The following SLIT2 variants were observed in gnomAD, a reference collection of about 807,000 sequenced individuals.
SLIT2 encodes the protein slit guidance ligand 2, also known as slit homolog 2 protein.
SLIT2 carries 41 observed loss-of-function variants against 185.7 expected under a neutral mutation model. The observed-to-expected ratio is 0.22, with a 90% confidence interval of 0.17 to 0.29. The LOEUF (loss-of-function observed/expected upper bound fraction) is 0.29. Among genes scored for constraint, SLIT2 ranks in the 10% least tolerant of loss-of-function variants. The probability of loss-of-function intolerance (pLI) is 1.00; values close to 1 mark genes in which losing one functional copy is unlikely to be tolerated. For synonymous variants in SLIT2, 693 were observed against 680.2 expected, an observed-to-expected ratio of 1.02 and a Z score of -0.29; for missense variants, 1,571 against 1,909.0, an observed-to-expected ratio of 0.82 and a Z score of 3.30.
At chr4:20,388,052 C>A (rs1725072299) in intron 4 of SLIT2, among the ~76,000 whole-genome samples, 4 of 152,124 alleles carry the variant, frequency 2.6e-5, no homozygotes, top group Admixed American at 2.6e-4. Context: ...TCATAAAAAT[C>A]TTCATGAAAC....
intron 4 of SLIT2, among the ~76,000 whole-genome samples, chr4:20,343,125 C>G (rs1345095778): frequency 1.3e-5 from 2 of 152,034 alleles, no homozygotes; most frequent in Admixed American, 1.3e-4. Context: ...TAGCTACTAA[C>G]ACTTATACTC....
At chr4:20,527,292 T>A (rs1285136446) in intron 15 of SLIT2, among the ~76,000 whole-genome samples, 1 of 152,050 alleles carries the variant, frequency 6.6e-6, no homozygotes, top group Non-Finnish European at 1.5e-5. Flanking sequence ...AGAGAGTTCA[T>A]CTTTTTTTTT....
intron 4 of SLIT2, among the ~76,000 whole-genome samples, chr4:20,324,144 G>C (rs531706635): frequency 3.2e-4 from 48 of 152,244 alleles, no homozygotes; most frequent in Middle Eastern, 6.8e-3. Context: ...ATCACAGCAC[G>C]AGCAAACCAG....
chr4:20,562,790 A>C (rs1724802093), intron 26 of SLIT2, among the ~76,000 whole-genome samples: 1 of 151,798 alleles, frequency 6.6e-6, no homozygotes, highest in Non-Finnish European at 1.5e-5. Context: ...AGTTAATTAT[A>C]CCCAACATCA....
chr4:20,512,159 G>C (rs1421472960), intron 11 of SLIT2, among the ~76,000 whole-genome samples: 1 of 152,068 alleles, frequency 6.6e-6, no homozygotes, highest in Non-Finnish European at 1.5e-5. Context: ...TCAGAGAAGG[G>C]TTCTTATTGA....
At chr4:20,304,544 A>G (rs1717356530) in intron 4 of SLIT2, among the ~76,000 whole-genome samples, 1 of 152,118 alleles carries the variant, frequency 6.6e-6, no homozygotes, top group South Asian at 2.1e-4. Flanking sequence ...GTGAGATGCA[A>G]GCAGAGGCTT....
At chr4:20,264,192 C>T (rs1457482380) in intron 3 of SLIT2, among the ~76,000 whole-genome samples, 1 of 151,636 alleles carries the variant, frequency 6.6e-6, no homozygotes, top group Non-Finnish European at 1.5e-5. Flanking sequence ...TTACATAATA[C>T]AAAATAAATT....
chr4:20,335,452 A>G (rs1461462383), intron 4 of SLIT2, among the ~76,000 whole-genome samples: 1 of 152,346 alleles, frequency 6.6e-6, no homozygotes, highest in Non-Finnish European at 1.5e-5. Flanking sequence ...CTTTTTGATA[A>G]TATGTGTAAA....
chr4:20,323,928 A>G (rs1329497781), intron 4 of SLIT2, among the ~76,000 whole-genome samples: 1 of 152,204 alleles, frequency 6.6e-6, no homozygotes, highest in Non-Finnish European at 1.5e-5. Flanking sequence ...AATATTTTAA[A>G]TTTGGAAGTT....
intron 17 of SLIT2, 37 bp from the exon 18 acceptor site, chr4:20,533,535 A>G (rs1267336756): frequency 6.6e-7 from 1 of 1,507,838 alleles, no homozygotes; most frequent in East Asian, 2.3e-5. Context: ...CTTGTTAGAA[A>G]TTATTTAAAA....
intron 4 of SLIT2, among the ~76,000 whole-genome samples, chr4:20,370,360 C>G (rs1025586031): frequency 6.6e-6 from 1 of 152,066 alleles, no homozygotes; most frequent in Non-Finnish European, 1.5e-5. Flanking sequence ...CAACTCCTCC[C>G]TGAGGCGGCC....
chr4:20,608,417 T>G (rs986266274), intron 33 of SLIT2, among the ~76,000 whole-genome samples: 2 of 152,174 alleles, frequency 1.3e-5, no homozygotes, highest in Non-Finnish European at 2.9e-5. Flanking sequence ...ACTAATGGTG[T>G]GCAACTATAC....
At chr4:20,350,794 C>G (rs1334565802) in intron 4 of SLIT2, among the ~76,000 whole-genome samples, 1 of 151,844 alleles carries the variant, frequency 6.6e-6, no homozygotes, top group Non-Finnish European at 1.5e-5. Flanking sequence ...GAGTTTGAGA[C>G]CAGCTTGGGC....
chr4:20,326,925 G>A (rs950820590), intron 4 of SLIT2, among the ~76,000 whole-genome samples: 3 of 151,240 alleles, frequency 2.0e-5, no homozygotes, highest in African/African-American at 7.3e-5. Flanking sequence ...ATAGAATATT[G>A]ATTATGTTTG....
intron 4 of SLIT2, among the ~76,000 whole-genome samples, chr4:20,431,999 CTCTG>C (rs992336932): frequency 8.3e-5 from 11 of 133,046 alleles, no homozygotes; most frequent in African/African-American, 2.5e-4. Context: ...ATCTCTCACT[CTCTG>C]TGTGTGTGTG....
At chr4:20,294,683 T>G (rs1716297658) in intron 4 of SLIT2, among the ~76,000 whole-genome samples, 1 of 152,206 alleles carries the variant, frequency 6.6e-6, no homozygotes, top group Non-Finnish European at 1.5e-5. Flanking sequence ...TAAAATTAAT[T>G]TGTAAAAGCA....
rs35349009 is a variant in SLIT2, at chr4:20,472,601, TAG to T, written c.467+4780_467+4781del. ...ATATCTATATATAGATATATATCTA[TAG>T]ATATATCTATATATATCGATATATC... On this transcript the variant is annotated intron_variant, in intron 5 of 36. Coordinates refer to ENST00000504154, the MANE Select transcript of SLIT2 (RefSeq NM_004787.4). Among the ~76,000 whole-genome samples, 66 of 10,276 alleles carry T rather than the reference TAG, an allele frequency of 6.4e-3. 19 individuals carry two copies. The East Asian group carries it at 0.065, about 10-fold the overall frequency. The allele number at this position is 10,276 out of a possible 152,430, so 6.7% of individuals were successfully genotyped here.
chr4:20,473,314 G>C (rs1460815839), intron 5 of SLIT2, among the ~76,000 whole-genome samples: 1 of 151,672 alleles, frequency 6.6e-6, no homozygotes, highest in Non-Finnish European at 1.5e-5. Context: ...AATATGTTGG[G>C]GAAAATATTT....
Position 20,283,120 on chromosome 4 carries a change from G to GCGCACACA in SLIT2, c.395+14240_395+14241insGCACACAC, listed in dbSNP as rs143964894. Among the ~76,000 whole-genome samples the GCGCACACA allele has an allele frequency of 3.3e-3, 491 of 149,948 alleles. 4 individuals carry two copies. Among genetic ancestry groups the GCGCACACA allele is most frequent in the East Asian group, 5.3e-3 (26 of 4,952 alleles). ...TGCCTGTGTGCCTGTGTGCGCGCGC[G>GCGCACACA]CACACACACACACACACACACACAA... On this transcript the variant is annotated intron_variant, in intron 4 of 36. Transcript: ENST00000504154.
Sources: allele counts gnomAD v4.1 joint callset (sites outside exome capture counted in the v4.1 genomes callset), GRCh38; gene constraint gnomAD v4.1.1; transcripts MANE v1.5; gene names NCBI Gene and HGNC (gene_info 2026-07-23, HGNC 2026-07-21).